The following WDFY4 variants were observed in gnomAD, a reference collection of about 807,000 sequenced individuals.
WDFY4 encodes the protein WDFY family member 4.
Under a neutral mutation model 351.9 loss-of-function variants are expected in WDFY4, and 169 were observed. The observed-to-expected ratio is 0.48, with a 90% confidence interval of 0.42 to 0.55. WDFY4 has a LOEUF of 0.55. WDFY4 is among the 20% of genes least tolerant of loss of function. The pLI is 0.00. For synonymous variants in WDFY4, 1,622 were observed against 1,574.6 expected (o/e 1.03, Z -0.71); for missense variants, 3,803 against 3,935.6 (o/e 0.97, Z 0.90).
chr10:48,915,971 A>T (rs1652528571), intron 47 of WDFY4, among the ~76,000 whole-genome samples: 1 of 152,228 alleles, frequency 6.6e-6, no homozygotes. Context: ...ACCAGATAGG[A>T]TAAAACAGCT....
chr10:48,813,223 G>C (rs1190997189), intron 30 of WDFY4, among the ~76,000 whole-genome samples: 2 of 152,080 alleles, frequency 1.3e-5, no homozygotes, highest in African/African-American at 4.8e-5. Context: ...CCAAGAGAAG[G>C]TTAAAAAATC....
chr10:48,865,468 G>A (rs1354528950), intron 39 of WDFY4, among the ~76,000 whole-genome samples: 1 of 152,162 alleles, frequency 6.6e-6, no homozygotes, highest in East Asian at 1.9e-4. Context: ...TCAGTTTGTT[G>A]ATATTTTGTT....
chr10:48,805,493 C>T, intron 26 of WDFY4, 72 bp downstream of exon 26: 2 of 1,493,192 alleles, frequency 1.3e-6, no homozygotes, highest in Non-Finnish European at 1.8e-6. Context: ...CAGACCCCAG[C>T]TCTCTCCCCA....
At chr10:48,754,935 T>C (rs925905357) in intron 12 of WDFY4, among the ~76,000 whole-genome samples, 1 of 152,170 alleles carries the variant, frequency 6.6e-6, no homozygotes, top group Non-Finnish European at 1.5e-5. Context: ...TTATTATTAT[T>C]ATTTCAATTC....
chr10:48,800,535 C>G (rs2067031844), intron 24 of WDFY4, among the ~76,000 whole-genome samples: 1 of 151,798 alleles, frequency 6.6e-6, no homozygotes, highest in Non-Finnish European at 1.5e-5. Context: ...GAAGGAGGGA[C>G]AGGAAGCTGT....
chr10:48,922,837 C>T (rs74133040), intron 47 of WDFY4, among the ~76,000 whole-genome samples: 5,808 of 152,148 alleles, frequency 0.038, 236 homozygotes, highest in African/African-American at 0.096. Context: ...CTGAAAAAGC[C>T]ATAACTTTAG....
chr10:48,923,175 C>T (rs1262371678), intron 47 of WDFY4, among the ~76,000 whole-genome samples: 1 of 152,142 alleles, frequency 6.6e-6, no homozygotes, highest in Admixed American at 6.5e-5. Context: ...ACAACCAGTT[C>T]TGCCCCTGAA....
chr10:48,890,478 C>A, intron 43 of WDFY4, 101 bp from the exon 44 acceptor site: 1 of 1,413,818 alleles, frequency 7.1e-7, no homozygotes, highest in Middle Eastern at 2.1e-4. Flanking sequence ...CTCTCACCTC[C>A]AATTGCCCCA....
intron 1 of WDFY4, among the ~76,000 whole-genome samples, chr10:48,689,257 T>C (rs1303427070): frequency 1.3e-5 from 2 of 152,194 alleles, no homozygotes; most frequent in Non-Finnish European, 2.9e-5. Flanking sequence ...AGATGATATC[T>C]CCTAAACCCT....
intron 51 of WDFY4, among the ~76,000 whole-genome samples, chr10:48,952,658 A>C (rs887968119): frequency 9.9e-5 from 15 of 152,268 alleles, no homozygotes; most frequent in Middle Eastern, 3.4e-3. Flanking sequence ...AGTGTCCCCT[A>C]CGTGCCCACC....
At chr10:48,777,332 T>A (rs1160744785) in intron 16 of WDFY4, 87 bp from the exon 17 acceptor site, 19 of 1,243,176 alleles carry the variant, frequency 1.5e-5, no homozygotes, top group Non-Finnish European at 2.2e-5. Context: ...GAGGGTAGAG[T>A]GGGAAGATGT....
intron 54 of WDFY4, among the ~76,000 whole-genome samples, chr10:48,965,747 C>G (rs1842045218): frequency 2.0e-5 from 1 of 50,736 alleles, no homozygotes; most frequent in African/African-American, 6.4e-5. Flanking sequence ...AGGTAGAGAG[C>G]TGGATATAGA....
chr10:48,936,161 T>C (rs1840345044), intron 47 of WDFY4, among the ~76,000 whole-genome samples: 2 of 151,898 alleles, frequency 1.3e-5, no homozygotes, highest in African/African-American at 2.4e-5. Flanking sequence ...TTTTGGAAAG[T>C]ACAAAAAAAG....
At chr10:48,895,261 G>T (rs2133384539) in intron 44 of WDFY4, among the ~76,000 whole-genome samples, 1 of 152,292 alleles carries the variant, frequency 6.6e-6, no homozygotes, top group African/African-American at 2.4e-5. Context: ...TGACTGCTTG[G>T]CCTCTCTCAA....
chr10:48,952,260 C>A (rs1477458977), intron 51 of WDFY4, among the ~76,000 whole-genome samples: 1 of 152,186 alleles, frequency 6.6e-6, no homozygotes, highest in Non-Finnish European at 1.5e-5. Flanking sequence ...GCCTCTGAGG[C>A]AAGCAACCCA....
intron 25 of WDFY4, among the ~76,000 whole-genome samples, chr10:48,805,055 C>A (rs1338102916): frequency 6.6e-6 from 1 of 152,022 alleles, no homozygotes; most frequent in Non-Finnish European, 1.5e-5. Context: ...GCGGAGGGGA[C>A]AGGCAGTGCA....
rs868418330 is a variant in WDFY4 at position 48,731,369 on chromosome 10, T to G, written c.1389T>G (p.Pro463=). 1 of 1,551,662 alleles carries G rather than the reference T, an allele frequency of 6.4e-7. No individual in the cohort carries two copies. Among genetic ancestry groups the G allele is most frequent in the East Asian group, 2.4e-5 (1 of 40,942 alleles). ...EALVFELHYV[P]HEILRKVQHL... is the part of the protein sequence containing the mutation. ...TGGTGTTCGAGCTGCACTACGTGCC[T>G]CATGAGATCCTGCGAAAGGTACAGC... is the stretch of plus-strand genomic sequence containing the variant. Residue 463 remains proline (P), a synonymous_variant, in exon 9 of 62, where the codon CCT becomes CCG. Coordinates refer to ENST00000325239, the MANE Select transcript of WDFY4 (RefSeq NM_001394531.1).
intron 53 of WDFY4, among the ~76,000 whole-genome samples, chr10:48,961,168 GTTC>G (rs980843679): frequency 1.3e-5 from 2 of 152,220 alleles, no homozygotes; most frequent in African/African-American, 2.4e-5. Flanking sequence ...CAAAGAGAAA[GTTC>G]TTCTTGTTTT....
At chr10:48,787,962 TCTTCTTCTTCTTCTTCTTCTTCTC>T (rs2066533870) in intron 20 of WDFY4, among the ~76,000 whole-genome samples, 17 of 103,486 alleles carry the variant, frequency 1.6e-4, no homozygotes, top group African/African-American at 4.2e-4. Flanking sequence ...TTCTTCTTCT[TCTTCTTCTTCTTCTTCTTCTTCTC>T]CTTCTCCTTC....
Sources: gnomAD v4.1 joint callset for allele counts (sites outside exome capture counted in the v4.1 genomes callset) on GRCh38, gnomAD v4.1.1 for gene constraint, MANE v1.5 for transcripts, NCBI Gene and HGNC (gene_info 2026-07-23, HGNC 2026-07-21) for gene names.